ZNF804B: variants seen among roughly 807,000 people sequenced by gnomAD.
ZNF804B encodes the protein zinc finger 804B.
Under a neutral mutation model 101.4 loss-of-function variants are expected in ZNF804B, and 80 were observed. The observed-to-expected ratio is 0.79, with a 90% CI of 0.66 to 0.95. The LOEUF is 0.95. Ranked by LOEUF, ZNF804B falls within the 40% of genes least tolerant of loss-of-function variation. The probability of loss-of-function intolerance (pLI) is 0.00; values close to 1 mark genes in which losing one functional copy is unlikely to be tolerated. For missense variants in ZNF804B, 1,673 were observed against 1,561.9 expected (o/e 1.07, Z -1.20); for synonymous variants, 622 against 558.8 (o/e 1.11, Z -1.59).
At chr7:89,042,158 A>G (rs1274064350) in intron 1 of ZNF804B, among the ~76,000 whole-genome samples, 1 of 152,130 alleles carries the variant, frequency 6.6e-6, no homozygotes, top group African/African-American at 2.4e-5. Context: ...GGAGATGGAC[A>G]TGAGTCTCAG....
intron 1 of ZNF804B, among the ~76,000 whole-genome samples, chr7:88,825,555 T>C (rs1791040254): frequency 6.6e-6 from 1 of 152,006 alleles, no homozygotes; most frequent in African/African-American, 2.4e-5. Flanking sequence ...GTCTCCACAG[T>C]AGAGAGAGGT....
intron 1 of ZNF804B, among the ~76,000 whole-genome samples, chr7:89,135,701 T>C (rs1184841260): frequency 6.6e-6 from 1 of 152,096 alleles, no homozygotes; most frequent in Non-Finnish European, 1.5e-5. Flanking sequence ...ATTTTCATTT[T>C]ACTTTCACAG....
At chr7:89,239,832 CA>C (rs1024311021) in intron 2 of ZNF804B, among the ~76,000 whole-genome samples, 2 of 150,752 alleles carry the variant, frequency 1.3e-5, no homozygotes, top group Middle Eastern at 6.9e-3. Context: ...AATAGATTGA[CA>C]TTTTTATTAC....
chr7:88,852,417 T>G (rs1228112461), intron 1 of ZNF804B, among the ~76,000 whole-genome samples: 1 of 152,238 alleles, frequency 6.6e-6, no homozygotes, highest in East Asian at 1.9e-4. Context: ...GCTAAATACC[T>G]TTGTGTTGCT....
intron 1 of ZNF804B, among the ~76,000 whole-genome samples, chr7:88,820,570 A>G (rs1790961834): frequency 6.6e-6 from 1 of 152,162 alleles, no homozygotes; most frequent in Non-Finnish European, 1.5e-5. Flanking sequence ...TTGTTAAGTC[A>G]CTTGAAGTAG....
chr7:89,292,247 A>C (rs1265109756), intron 2 of ZNF804B, among the ~76,000 whole-genome samples: 1 of 152,162 alleles, frequency 6.6e-6, no homozygotes, highest in East Asian at 1.9e-4. Context: ...ACAGAGAAAC[A>C]CAGACTATTT....
chr7:89,075,469 T>A (rs901658120), intron 1 of ZNF804B, among the ~76,000 whole-genome samples: 2 of 152,112 alleles, frequency 1.3e-5, no homozygotes, highest in Admixed American at 6.5e-5. Context: ...CCATGTGGTG[T>A]TGAGCCTGCA....
chr7:88,846,937 C>T (rs1352285756), intron 1 of ZNF804B, among the ~76,000 whole-genome samples: 1 of 66,096 alleles, frequency 1.5e-5, no homozygotes, highest in African/African-American at 1.7e-4. Flanking sequence ...AATGTGTATA[C>T]ACACACACAC....
intron 1 of ZNF804B, among the ~76,000 whole-genome samples, chr7:88,819,515 C>A (rs1790941867): frequency 6.6e-6 from 1 of 152,096 alleles, no homozygotes; most frequent in African/African-American, 2.4e-5. Flanking sequence ...GGGGCAGACA[C>A]CTCATGATAG....
chr7:89,281,783 T>C (rs1269430102), intron 2 of ZNF804B, among the ~76,000 whole-genome samples: 1 of 152,104 alleles, frequency 6.6e-6, no homozygotes, highest in Non-Finnish European at 1.5e-5. Context: ...CAAAGTAAGA[T>C]ATAGTATTAA....
At chr7:88,856,214 G>A (rs866174307) in intron 1 of ZNF804B, among the ~76,000 whole-genome samples, 13 of 152,214 alleles carry the variant, frequency 8.5e-5, no homozygotes, top group African/African-American at 3.1e-4. Flanking sequence ...CCATTTTCAC[G>A]ATATTGATTC....
At chr7:88,977,532 A>G (rs1793633101) in intron 1 of ZNF804B, among the ~76,000 whole-genome samples, 1 of 151,640 alleles carries the variant, frequency 6.6e-6, no homozygotes, top group Non-Finnish European at 1.5e-5. Context: ...TTATTAGCAT[A>G]GAGTAGCTCA....
intron 1 of ZNF804B, among the ~76,000 whole-genome samples, chr7:88,888,732 G>C (rs1200356813): frequency 1.3e-5 from 2 of 152,106 alleles, no homozygotes; most frequent in Admixed American, 6.5e-5. Context: ...GTATTTTAAA[G>C]AGGTAGGATT....
chr7:89,336,307 C>T lies in ZNF804B; in HGVS notation c.3325C>T (p.His1109Tyr). The T allele has an allele frequency of 6.2e-7, 1 of 1,613,854 alleles. No individual in the cohort carries two copies. Among genetic ancestry groups the T allele is most frequent in the Non-Finnish European group, 8.5e-7 (1 of 1,179,926 alleles). The change falls in exon 4 of 4, where the codon CAT becomes TAT. Residue 1109 changes from histidine (H) to tyrosine (Y), a missense_variant. By Grantham distance (83) the His-to-Tyr change is moderately conservative (BLOSUM62 2). Transcript: ENST00000333190. ...ACAGGATGTAAGCATGCATATAAAT[C>T]ATGTAGAGGGAAATATAAACTCTTA... ...DLQDVSMHIN[H>Y]VEGNINSYYD...
chr7:89,004,055 C>CAA (rs5885649), intron 1 of ZNF804B, among the ~76,000 whole-genome samples: 53 of 112,110 alleles, frequency 4.7e-4, no homozygotes, highest in Admixed American at 7.3e-4. Context: ...CCTGAATGAG[C>CAA]AAAAAAAAAA....
chr7:89,076,972 G>A (rs189336584), intron 1 of ZNF804B, among the ~76,000 whole-genome samples: 60 of 152,248 alleles, frequency 3.9e-4, no homozygotes, highest in African/African-American at 1.3e-3. Context: ...ATATGCCAGT[G>A]AGAATGGCGC....
intron 1 of ZNF804B, among the ~76,000 whole-genome samples, chr7:89,026,998 A>T (rs1227856074): frequency 2.0e-5 from 3 of 152,190 alleles, no homozygotes; most frequent in African/African-American, 4.8e-5. Flanking sequence ...TGGCCTTAGA[A>T]TAAAATTCCT....
intron 1 of ZNF804B, among the ~76,000 whole-genome samples, chr7:88,866,114 CAGA>C (rs554284537): frequency 6.6e-6 from 1 of 151,970 alleles, no homozygotes; most frequent in South Asian, 2.1e-4. Context: ...GGCGACTGAC[CAGA>C]AGATCTTATT....
At chr7:88,791,883 C>G (rs1320960758) in intron 1 of ZNF804B, among the ~76,000 whole-genome samples, 1 of 152,062 alleles carries the variant, frequency 6.6e-6, no homozygotes, top group African/African-American at 2.4e-5. Context: ...GGGCAGGACT[C>G]AGTGGAAACA....
Sources: allele counts gnomAD v4.1 joint callset (sites outside exome capture counted in the v4.1 genomes callset), GRCh38; gene constraint gnomAD v4.1.1; transcripts MANE v1.5; gene names NCBI Gene and HGNC (gene_info 2026-07-23, HGNC 2026-07-21).